DNER: variants seen among roughly 807,000 people sequenced by gnomAD.
DNER encodes the protein delta/notch like EGF repeat containing.
A neutral mutation model predicts 78.2 loss-of-function variants in DNER; 33 were observed. The ratio of observed to expected loss-of-function variants is 0.42; its 90% CI spans 0.32 to 0.56. The LOEUF (loss-of-function observed/expected upper bound fraction) is 0.56, where lower values mean the gene tolerates loss of function less well. Among genes scored for constraint, DNER ranks in the 20% least tolerant of loss-of-function variants. The probability of loss-of-function intolerance (pLI) is 0.11; values close to 1 mark genes in which losing one functional copy is unlikely to be tolerated. For missense variants in DNER, 918 were observed against 975.3 expected (o/e 0.94, Z 0.78); for synonymous variants, 417 against 384.8 (o/e 1.08, Z -0.98).
At chr2:229,691,584 A>G (rs1699572565) in intron 1 of DNER, among the ~76,000 whole-genome samples, 1 of 152,148 alleles carries the variant, frequency 6.6e-6, no homozygotes, top group Admixed American at 6.5e-5. Flanking sequence ...AAACAAACTT[A>G]ATTATATTGG....
chr2:229,520,750 C>T (rs2154212564), intron 5 of DNER, among the ~76,000 whole-genome samples: 1 of 152,304 alleles, frequency 6.6e-6, no homozygotes, highest in South Asian at 2.1e-4. Context: ...TGCTGCAGGA[C>T]TGCTGTGGAG....
intron 4 of DNER, among the ~76,000 whole-genome samples, chr2:229,579,450 G>A (rs1697354584): frequency 6.6e-6 from 1 of 152,166 alleles, no homozygotes. Context: ...CCTCAATATG[G>A]AGACTTAGGA....
intron 5 of DNER, among the ~76,000 whole-genome samples, chr2:229,529,669 G>GA (rs1389080233): frequency 2.0e-5 from 3 of 151,404 alleles, no homozygotes; most frequent in Non-Finnish European, 3.0e-5. Context: ...AGAATTACAA[G>GA]AAAAAAAAGG....
chr2:229,609,184 C>G (rs1697999378), intron 1 of DNER, among the ~76,000 whole-genome samples: 2 of 152,174 alleles, frequency 1.3e-5, no homozygotes, highest in African/African-American at 4.8e-5. Flanking sequence ...GATCACGCCA[C>G]TGCACTCCAG....
intron 1 of DNER, among the ~76,000 whole-genome samples, chr2:229,630,700 G>C (rs1030523078): frequency 1.3e-5 from 2 of 151,946 alleles, no homozygotes; most frequent in African/African-American, 4.8e-5. Flanking sequence ...AAGGACATAT[G>C]CGATGCTGAG....
intron 4 of DNER, among the ~76,000 whole-genome samples, chr2:229,576,828 C>T (rs943705371): frequency 6.6e-6 from 1 of 152,130 alleles, no homozygotes; most frequent in African/African-American, 2.4e-5. Context: ...GGGAAACCTG[C>T]AGAGCTGAGT....
intron 1 of DNER, among the ~76,000 whole-genome samples, chr2:229,712,154 T>C (rs1158434181): frequency 6.6e-6 from 1 of 152,186 alleles, no homozygotes; most frequent in Non-Finnish European, 1.5e-5. Flanking sequence ...GTGGATGGTG[T>C]TCACACAGCT....
intron 1 of DNER, among the ~76,000 whole-genome samples, chr2:229,653,263 TC>T: frequency 6.6e-6 from 1 of 152,312 alleles, no homozygotes; most frequent in Admixed American, 6.5e-5. Context: ...TGCTGCCCAG[TC>T]CTGCTGGAGA....
chr2:229,592,847 G>T (rs1042559872), intron 1 of DNER, among the ~76,000 whole-genome samples: 2 of 152,166 alleles, frequency 1.3e-5, no homozygotes, highest in Non-Finnish European at 2.9e-5. Flanking sequence ...CTACAAAACA[G>T]AATTCAGTAG....
At chr2:229,382,949 G>A (rs1692777682) in intron 11 of DNER, among the ~76,000 whole-genome samples, 2 of 152,036 alleles carry the variant, frequency 1.3e-5, no homozygotes, top group South Asian at 2.1e-4. Context: ...GCAACCCCAA[G>A]ACACATAATC....
intron 11 of DNER, among the ~76,000 whole-genome samples, chr2:229,387,050 A>G (rs1464158038): frequency 6.6e-6 from 1 of 152,206 alleles, no homozygotes; most frequent in African/African-American, 2.4e-5. Context: ...AGCATTGTTC[A>G]CAACAGCAAA....
intron 1 of DNER, among the ~76,000 whole-genome samples, chr2:229,700,544 A>C (rs755565379): frequency 6.6e-6 from 1 of 152,020 alleles, no homozygotes; most frequent in Non-Finnish European, 1.5e-5. Context: ...AATGTGCTTT[A>C]GTAAGGACTG....
At chr2:229,544,825 C>A (rs1034229324) in intron 5 of DNER, among the ~76,000 whole-genome samples, 2 of 152,190 alleles carry the variant, frequency 1.3e-5, no homozygotes, top group African/African-American at 2.4e-5. Flanking sequence ...TGAGCCACTG[C>A]ACCTGGCCGG....
rs191751345 is a variant in DNER at position 229,582,072 on chromosome 2, G to A, written c.847+3786C>T. Among the ~76,000 whole-genome samples the A allele has an allele frequency of 8.5e-4, 129 of 152,238 alleles. 1 individual carries two copies. Among genetic ancestry groups the A allele is most frequent in the African/African-American group, 2.9e-3 (121 of 41,530 alleles). The stretch of plus-strand genomic sequence containing the variant: ...TCTGAAACTTTACTCTTCCTTTACC[G>A]TGGAAGTTTTCTTCCGCCCACCCTA... On this transcript the variant is annotated intron_variant, in intron 4 of 12. Transcript: ENST00000341772.
intron 1 of DNER, among the ~76,000 whole-genome samples, chr2:229,689,218 T>A (rs1699531172): frequency 6.6e-6 from 1 of 152,158 alleles, no homozygotes; most frequent in South Asian, 2.1e-4. Flanking sequence ...TAGTCCTGTT[T>A]TTCCACCCTG....
rs201049418 is a variant in DNER at position 229,477,269 on chromosome 2, T to C, written c.1148-16A>G. ...CCAGTATAACCTGAATAAAACAAAA[T>C]GTACATTTTATAAAATAAGCTCTTC... On this transcript the variant is annotated splice_polypyrimidine_tract_variant and intron_variant, in intron 6 of 12. Coordinates refer to ENST00000341772, the MANE Select transcript of DNER (RefSeq NM_139072.4). The C allele has an allele frequency of 2.5e-6, 4 of 1,588,992 alleles. No homozygotes were observed. In the East Asian group the frequency reaches 9.0e-5, roughly 36 times the overall value.
At chr2:229,459,493 C>T (rs1325961504) in intron 7 of DNER, among the ~76,000 whole-genome samples, 1 of 152,088 alleles carries the variant, frequency 6.6e-6, no homozygotes, top group Non-Finnish European at 1.5e-5. Context: ...CAATTGGTAT[C>T]TATTCTTTCT....
chr2:229,447,276 T>C (rs1347569411), intron 8 of DNER, 40 bp downstream of exon 8: 4 of 1,520,566 alleles, frequency 2.6e-6, no homozygotes, highest in Middle Eastern at 2.3e-4. Flanking sequence ...TGGTTTGAGA[T>C]TGAGAAAAGG....
chr2:229,698,346 T>G (rs189998799), intron 1 of DNER, among the ~76,000 whole-genome samples: 1 of 152,342 alleles, frequency 6.6e-6, no homozygotes, highest in Non-Finnish European at 1.5e-5. Context: ...GTCAATCATT[T>G]TTCCAAATAT....
Sources: gnomAD v4.1 joint callset for allele counts (sites outside exome capture counted in the v4.1 genomes callset) on GRCh38, gnomAD v4.1.1 for gene constraint, MANE v1.5 for transcripts, NCBI Gene and HGNC (gene_info 2026-07-23, HGNC 2026-07-21) for gene names.